Variants in NPHP3 observed in about 807,000 individuals in gnomAD.
The protein encoded by NPHP3 is nephrocystin 3, also known as nephrocystin-3.
NPHP3 carries 123 observed loss-of-function variants against 171.9 expected under a neutral mutation model. The ratio of observed to expected loss-of-function variants is 0.72; its 90% CI spans 0.62 to 0.83. The LOEUF is 0.83. Ranked by LOEUF, NPHP3 falls within the 40% of genes least tolerant of loss-of-function variation. NPHP3 has a pLI of 0.00. For synonymous variants in NPHP3, 558 were observed against 579.2 expected (o/e 0.96, Z 0.52); for missense variants, 1,506 against 1,591.9 (o/e 0.95, Z 0.92).
chr3:132,712,634 T>C (rs1939943210), intron 6 of NPHP3, among the ~76,000 whole-genome samples: 1 of 151,972 alleles, frequency 6.6e-6, no homozygotes, highest in Admixed American at 6.6e-5. Flanking sequence ...GGCGTGGTGG[T>C]GGGCGCCTAT....
chr3:132,685,994 A>C, intron 23 of NPHP3: 1 of 366,160 alleles, frequency 2.7e-6, no homozygotes, highest in South Asian at 2.3e-5. Flanking sequence ...GGTTGCAGTG[A>C]GCCGAGATCA....
intron 6 of NPHP3, 112 bp from the exon 7 acceptor site, chr3:132,708,369 A>G: frequency 1.9e-6 from 2 of 1,038,172 alleles, no homozygotes; most frequent in East Asian, 2.4e-5. Context: ...AGTGGCCAGA[A>G]AAGGTCCAAC....
At chr3:132,693,478 A>G (rs1939353242) in intron 16 of NPHP3, 1 of 152,556 alleles carries the variant, frequency 6.6e-6, no homozygotes, top group Non-Finnish European at 1.5e-5. Context: ...GAAAAACATT[A>G]GCCCACAGAC....
At chr3:132,710,125 A>C (rs547658923) in intron 6 of NPHP3, among the ~76,000 whole-genome samples, 2 of 152,330 alleles carry the variant, frequency 1.3e-5, no homozygotes, top group African/African-American at 4.8e-5. Context: ...ATAGTATAAC[A>C]GGCCAGCTAA....
In NPHP3 at chr3:132,713,260, C is replaced by T; in HGVS notation, c.984G>A (p.Met328Ile). Residue 328 changes from methionine to isoleucine, a missense_variant, in exon 6 of 27, where the codon ATG (methionine) becomes ATA (isoleucine). Coordinates refer to ENST00000337331, the MANE Select transcript of NPHP3 (RefSeq NM_153240.5). The stretch of plus-strand genomic sequence containing the variant: ...GGAAAAAATATCCCATTGTCTCGCA[C>T]ATTCTCTTAAGTTTAGGTGAATAGT... ...LKDYSPKLKR[M>I]CETMGYFFHA... 1 of 1,603,938 alleles carries T rather than the reference C, an allele frequency of 6.2e-7. No homozygotes were observed.
intron 23 of NPHP3, 164 bp from the exon 24 acceptor site, chr3:132,684,958 T>G: frequency 1.3e-6 from 1 of 760,942 alleles, no homozygotes; most frequent in South Asian, 1.7e-5. Context: ...CACCCCTATC[T>G]CTTCCTGCCC....
At chr3:132,714,698 C>T (rs1282551205) in intron 5 of NPHP3, among the ~76,000 whole-genome samples, 1 of 152,126 alleles carries the variant, frequency 6.6e-6, no homozygotes, top group African/African-American at 2.4e-5. Context: ...CACTGCCCTC[C>T]AGCCCAGGCA....
rs1939637721 is a variant in NPHP3 at position 132,702,471 on chromosome 3, A to G, written c.1525-938T>C. ...TCCCCAGAAACTCAAAACTGGTTCA[A>G]AGCTAAAAAGGACACACTCAAAAAC... On this transcript the variant is annotated intron_variant, in intron 9 of 26. Transcript: ENST00000337331. Among the ~76,000 whole-genome samples, 4 of 152,230 alleles carry G rather than the reference A, an allele frequency of 2.6e-5. No homozygotes were observed. In the South Asian group the frequency reaches 6.2e-4, roughly 24 times the overall value.
intron 3 of NPHP3, 133 bp from the exon 4 acceptor site, chr3:132,717,042 T>G: frequency 9.8e-7 from 1 of 1,015,754 alleles, no homozygotes; most frequent in Non-Finnish European, 1.4e-6. Context: ...ATTTTGAAAA[T>G]ACTTTGCCAT....
At position 132,722,076 on chromosome 3, in the gene NPHP3, G is replaced by A. The variant is rs1940245006; in HGVS notation, c.280C>T (p.Leu94Phe). The A allele has an allele frequency of 6.2e-7, 1 of 1,611,866 alleles. No homozygotes were observed. The highest frequency in any genetic ancestry group is 8.5e-7 in the Non-Finnish European group (1 of 1,179,864). ...CGAAAGATCTCGTACTCCTTCCTGAGCCGCTCGTACTCGGCCGCCGCGTAC... is the reference window on the plus strand; with the variant it reads ...CGAAAGATCTCGTACTCCTTCCTGAACCGCTCGTACTCGGCCGCCGCGTAC... Reference protein sequence around the residue: ...LEYAAAEYERLRKEYEIFRVS... With the variant: ...LEYAAAEYERFRKEYEIFRVS... Residue 94 changes from leucine to phenylalanine, a missense_variant, in exon 1 of 27, where the codon CTC (leucine) becomes TTC (phenylalanine). Leu to Phe is a conservative substitution (Grantham distance 22, BLOSUM62 0). Coordinates refer to ENST00000337331, the MANE Select transcript of NPHP3 (RefSeq NM_153240.5).
rs199662014 is a variant in NPHP3 at position 132,686,412 on chromosome 3, A to G, written c.3202-25T>C. 308 of 1,613,732 alleles carry G rather than the reference A, an allele frequency of 1.9e-4. 1 individual carries two copies. The East Asian group carries it at 6.8e-3, about 36-fold the overall frequency. On this transcript the variant is annotated intron_variant, in intron 22 of 26. Coordinates refer to ENST00000337331, the MANE Select transcript of NPHP3 (RefSeq NM_153240.5). The stretch of plus-strand genomic sequence containing the variant: ...ACTGCAGCAAACATGAAAAATGAAA[A>G]GCAATCACTAAGTAGGTGCAATCCT...
chr3:132,700,774 AC>A (rs1939586712), intron 10 of NPHP3, among the ~76,000 whole-genome samples: 1 of 152,192 alleles, frequency 6.6e-6, no homozygotes, highest in Non-Finnish European at 1.5e-5. Flanking sequence ...TTTGTTAGAT[AC>A]AAAAATATTA....
At chr3:132,687,010 A>C in intron 22 of NPHP3, 141 bp downstream of exon 22, 1 of 576,220 alleles carries the variant, frequency 1.7e-6, no homozygotes, top group Non-Finnish European at 3.1e-6. Flanking sequence ...TAACACATAA[A>C]TAAGAAAATG....
At chr3:132,721,684 C>A (rs1940223510) in intron 1 of NPHP3, 1 of 634,454 alleles carries the variant, frequency 1.6e-6, no homozygotes, top group African/African-American at 1.8e-5. Context: ...CTCCTGTAAT[C>A]CCAGAACTTT....
At chr3:132,684,100 A>G (rs1482247858) in intron 24 of NPHP3, among the ~76,000 whole-genome samples, 1 of 152,210 alleles carries the variant, frequency 6.6e-6, no homozygotes, top group Non-Finnish European at 1.5e-5. Context: ...CCCTATGGCA[A>G]ACAATGGTTA....
chr3:132,696,657 G>T, intron 15 of NPHP3, 74 bp downstream of exon 15: 1 of 1,321,280 alleles, frequency 7.6e-7, no homozygotes. Context: ...TCAGTTCTCA[G>T]TTTTGCAGGG....
intron 14 of NPHP3, 121 bp downstream of exon 14, chr3:132,697,139 A>G: frequency 1.3e-6 from 1 of 766,830 alleles, no homozygotes; most frequent in South Asian, 1.5e-5. Context: ...TTACCAAAGT[A>G]ATTACTAAAC....
chr3:132,689,123 A>G lies in NPHP3; in HGVS notation c.2834T>C (p.Leu945Pro). 6.2e-7 allele frequency: 1 copy of G among 1,614,158 alleles called. No individual in the cohort carries two copies. The highest frequency in any genetic ancestry group is 8.5e-7 in the Non-Finnish European group (1 of 1,180,002). The change falls in exon 20 of 27, where the codon CTT (leucine) becomes CCT (proline). Residue 945 changes from leucine (L) to proline (P), a missense_variant. Around this residue, in one of 3 missense-constraint regions of NPHP3, gnomAD observed 569 missense variants for 648.1 expected, o/e 0.88. Transcript: ENST00000337331. ...GAGAAATCGCCCCAAGGTTTCATAA[A>G]GATCAGCTAAGCAACTCATGTTGTC... ...GEDNMSCLAD[L>P]YETLGRFLKD...
chr3:132,684,545 CTT>C lies in NPHP3; in HGVS notation c.3570+7_3570+8del. The C allele has an allele frequency of 6.2e-7, 1 of 1,613,722 alleles. No homozygotes were observed. The highest frequency in any genetic ancestry group is 1.7e-5 in the Admixed American group (1 of 60,024). ...TATAAAACATGTAAGAATGTCAAAG[CTT>C]ACTTACCATTTTCTTATACAAGATG... is the stretch of plus-strand genomic sequence containing the variant. On this transcript the variant is annotated splice_region_variant and intron_variant, in intron 24 of 26. Coordinates refer to ENST00000337331, the MANE Select transcript of NPHP3 (RefSeq NM_153240.5).
Sources: gnomAD v4.1 joint callset for allele counts (sites outside exome capture counted in the v4.1 genomes callset) on GRCh38, gnomAD v4.1.1 for gene constraint, gnomAD v4.1.1 regional missense constraint, MANE v1.5 for transcripts, NCBI Gene and HGNC (gene_info 2026-07-23, HGNC 2026-07-21) for gene names.